Variants in MAGI2 observed in about 807,000 individuals in gnomAD.
MAGI2 encodes membrane associated guanylate kinase, WW and PDZ domain containing 2.
Under a neutral mutation model 133.3 loss-of-function variants are expected in MAGI2, and 35 were observed. The observed-to-expected ratio is 0.26, with a 90% CI of 0.20 to 0.35. MAGI2 has a LOEUF of 0.35. MAGI2 is among the 10% of genes least tolerant of loss of function. MAGI2 has a pLI of 1.00. For missense variants in MAGI2, 1,636 were observed against 1,863.4 expected (o/e 0.88, Z 2.25); for synonymous variants, 729 against 710.6 (o/e 1.03, Z -0.41).
chr7:79,276,238 G>A (rs142961294), intron 1 of MAGI2, among the ~76,000 whole-genome samples: 1 of 152,298 alleles, frequency 6.6e-6, no homozygotes, highest in East Asian at 1.9e-4. Flanking sequence ...GCATTAACGT[G>A]TGCTTGGGAG....
At chr7:79,449,877 C>CATATATATATATATATATAT (rs59881896) in intron 1 of MAGI2, among the ~76,000 whole-genome samples, 29 of 120,618 alleles carry the variant, frequency 2.4e-4, no homozygotes, top group African/African-American at 8.1e-4. Context: ...GAGATATATA[C>CATATATATATATATATATAT]ATATATATAT....
intron 2 of MAGI2, among the ~76,000 whole-genome samples, chr7:78,849,636 A>G (rs544548038): frequency 6.6e-6 from 1 of 152,220 alleles, no homozygotes; most frequent in South Asian, 2.1e-4. Flanking sequence ...GCTGCTGTGC[A>G]AGAGATAAGG....
chr7:79,067,551 CAG>C (rs1814485100), intron 1 of MAGI2, among the ~76,000 whole-genome samples: 1 of 152,186 alleles, frequency 6.6e-6, no homozygotes, highest in Non-Finnish European at 1.5e-5. Context: ...CAACTGCAAA[CAG>C]AGACAATTTG....
At chr7:79,010,336 T>C (rs192663555) in intron 1 of MAGI2, among the ~76,000 whole-genome samples, 2 of 152,174 alleles carry the variant, frequency 1.3e-5, no homozygotes, top group East Asian at 3.9e-4. Flanking sequence ...TATCCTCAAT[T>C]AGAAATTTCA....
chr7:79,235,129 C>G lies in MAGI2; in HGVS notation c.301+217891G>C, dbSNP rs1831778510. Among the ~76,000 whole-genome samples, 20 of 151,992 alleles carry G rather than the reference C, an allele frequency of 1.3e-4. No homozygotes were observed. The South Asian group carries it at 4.2e-3, about 32-fold the overall frequency. Reference sequence around the variant, plus strand: ...TCGGGGGTCAGGGGTCAGGGACCCACTTGAGGAGGCAGTCTGCCCGTTCTC... The same window carrying G: ...TCGGGGGTCAGGGGTCAGGGACCCAGTTGAGGAGGCAGTCTGCCCGTTCTC... On this transcript the variant is annotated intron_variant, in intron 1 of 21. Coordinates refer to ENST00000354212, the MANE Select transcript of MAGI2 (RefSeq NM_012301.4).
Position 79,372,038 on chromosome 7 carries a change from G to A in MAGI2, c.301+80982C>T, listed in dbSNP as rs915047022. Reference sequence around the variant, plus strand: ...GCAACCCTACGAGGTAGCTACTAGTGTATCATTCTATTTTATGGGTAAAAA... The same window carrying A: ...GCAACCCTACGAGGTAGCTACTAGTATATCATTCTATTTTATGGGTAAAAA... On this transcript the variant is annotated intron_variant, in intron 1 of 21. Transcript: ENST00000354212. Among the ~76,000 whole-genome samples, 17 of 152,086 alleles carry A rather than the reference G, an allele frequency of 1.1e-4. 2 individuals are homozygous for A. The highest frequency in any genetic ancestry group is 1.0e-3 in the Admixed American group (16 of 15,254).
intron 3 of MAGI2, among the ~76,000 whole-genome samples, chr7:78,589,021 C>T (rs1803708410): frequency 6.6e-6 from 1 of 152,182 alleles, no homozygotes; most frequent in African/African-American, 2.4e-5. Context: ...CAGAAGGCCA[C>T]ACCAGTGATT....
At chr7:78,727,548 T>C (rs1228353095) in intron 2 of MAGI2, among the ~76,000 whole-genome samples, 2 of 152,184 alleles carry the variant, frequency 1.3e-5, no homozygotes, top group African/African-American at 4.8e-5. Flanking sequence ...GTCTGTAAAA[T>C]ACAACAACAA....
intron 20 of MAGI2, among the ~76,000 whole-genome samples, chr7:78,116,816 T>C (rs1284293042): frequency 1.3e-5 from 2 of 151,884 alleles, no homozygotes; most frequent in Non-Finnish European, 2.9e-5. Flanking sequence ...AGGTTGATGC[T>C]GCAGTGAGCC....
At chr7:78,868,525 A>G (rs867791638) in intron 2 of MAGI2, among the ~76,000 whole-genome samples, 41 of 152,204 alleles carry the variant, frequency 2.7e-4, no homozygotes, top group African/African-American at 7.7e-4. Flanking sequence ...AAATTTAGCT[A>G]TTGTAAAAAA....
chr7:78,272,934 G>A lies in MAGI2; in HGVS notation c.1409-16353C>T, dbSNP rs115835628. On this transcript the variant is annotated intron_variant, in intron 9 of 21. Transcript: ENST00000354212. ...GTCTTTTAACTGGAGCATGTAGTTCGTTTACATTTAAGGTTAATATTGTTA... is the reference window on the plus strand; with the variant it reads ...GTCTTTTAACTGGAGCATGTAGTTCATTTACATTTAAGGTTAATATTGTTA... Among the ~76,000 whole-genome samples, 819 of 152,100 alleles carry A rather than the reference G, an allele frequency of 5.4e-3. 8 individuals are homozygous for A. The highest frequency in any genetic ancestry group is 0.018 in the African/African-American group (760 of 41,502).
intron 1 of MAGI2, among the ~76,000 whole-genome samples, chr7:79,418,240 G>C (rs781382154): frequency 6.6e-6 from 1 of 152,030 alleles, no homozygotes; most frequent in Non-Finnish European, 1.5e-5. Context: ...ATGTAGGTTA[G>C]ATAATAAGAT....
At chr7:79,114,348 T>C (rs944533310) in intron 1 of MAGI2, among the ~76,000 whole-genome samples, 43 of 152,190 alleles carry the variant, frequency 2.8e-4, no homozygotes, top group African/African-American at 9.9e-4. Context: ...ACCAGCTGAA[T>C]GTTACAGGCT....
intron 3 of MAGI2, among the ~76,000 whole-genome samples, chr7:78,528,221 C>T (rs1320124052): frequency 6.6e-6 from 1 of 152,126 alleles, no homozygotes; most frequent in Non-Finnish European, 1.5e-5. Flanking sequence ...TAGTTTGATG[C>T]TTGGCCTCTT....
intron 2 of MAGI2, among the ~76,000 whole-genome samples, chr7:78,883,259 C>T (rs968031638): frequency 6.6e-6 from 1 of 151,844 alleles, no homozygotes; most frequent in South Asian, 2.1e-4. Context: ...AATAGACACA[C>T]ACACAAAACA....
chr7:79,085,175 T>A (rs899992421), intron 1 of MAGI2, among the ~76,000 whole-genome samples: 1 of 151,834 alleles, frequency 6.6e-6, no homozygotes, highest in Non-Finnish European at 1.5e-5. Flanking sequence ...TTATTTTCTC[T>A]TTCTGTTGCT....
intron 21 of MAGI2, among the ~76,000 whole-genome samples, chr7:78,065,855 G>C (rs1228178432): frequency 6.6e-6 from 1 of 152,192 alleles, no homozygotes; most frequent in African/African-American, 2.4e-5. Context: ...TGAAATTAGT[G>C]AAAGACTGAG....
At chr7:78,027,178 T>C (rs1563019649) in intron 21 of MAGI2, among the ~76,000 whole-genome samples, 1 of 152,210 alleles carries the variant, frequency 6.6e-6, no homozygotes, top group Non-Finnish European at 1.5e-5. Flanking sequence ...AGGGCTCATG[T>C]CTTCTTCTGG....
intron 21 of MAGI2, among the ~76,000 whole-genome samples, chr7:78,036,661 T>A (rs557756632): frequency 7.2e-5 from 11 of 152,210 alleles, no homozygotes; most frequent in African/African-American, 2.4e-4. Flanking sequence ...CTCCGTTGCC[T>A]AGGCTGGAGT....
Sources: gnomAD v4.1 joint callset for allele counts (sites outside exome capture counted in the v4.1 genomes callset) on GRCh38, gnomAD v4.1.1 for gene constraint, MANE v1.5 for transcripts, NCBI Gene and HGNC (gene_info 2026-07-23, HGNC 2026-07-21) for gene names.